APPL2: variants seen among roughly 807,000 people sequenced by gnomAD.
APPL2 encodes DCC-interacting protein 13-beta.
Under a neutral mutation model 92.7 loss-of-function variants are expected in APPL2, and 84 were observed. That is an observed-to-expected ratio of 0.91 (90% confidence interval 0.76 to 1.09). APPL2 has a LOEUF of 1.09. Among genes scored for constraint, APPL2 ranks in the 50% least tolerant of loss-of-function variants. The pLI, the probability that APPL2 is intolerant of heterozygous loss-of-function variation, is 0.00. For synonymous variants in APPL2, 291 were observed against 291.0 expected (o/e 1.00, Z 0.00); for missense variants, 736 against 824.5 (o/e 0.89, Z 1.31).
chr12:105,226,985 G>A (rs141046349), intron 2 of APPL2, among the ~76,000 whole-genome samples: 32 of 152,120 alleles, frequency 2.1e-4, no homozygotes, highest in Non-Finnish European at 3.8e-4. Context: ...GCTGGGTGTG[G>A]TGGTGTGCAC....
At chr12:105,192,968 C>A (rs182387715) in intron 14 of APPL2, among the ~76,000 whole-genome samples, 5 of 152,290 alleles carry the variant, frequency 3.3e-5, no homozygotes. Flanking sequence ...TTCTTTCCCC[C>A]CCCACTGTCA....
intron 20 of APPL2, 119 bp from the exon 21 acceptor site, chr12:105,174,567 T>C (rs1203139596): frequency 2.8e-6 from 3 of 1,070,014 alleles, no homozygotes; most frequent in South Asian, 4.1e-5. Context: ...CTCTTGTGTA[T>C]ATGTGCCTTC....
At chr12:105,177,517 A>T (rs1885671113) in intron 17 of APPL2, 1 of 512,802 alleles carries the variant, frequency 2.0e-6, no homozygotes, top group African/African-American at 1.9e-5. Context: ...GGATTCTGCA[A>T]CTTACCCAAA....
At chr12:105,227,302 T>C (rs559914695) in intron 2 of APPL2, among the ~76,000 whole-genome samples, 13 of 152,170 alleles carry the variant, frequency 8.5e-5, no homozygotes, top group South Asian at 2.1e-4. Context: ...TAGTTCTAAT[T>C]AATAAGTTAC....
intron 17 of APPL2, among the ~76,000 whole-genome samples, chr12:105,180,315 G>A (rs1289632859): frequency 6.6e-6 from 1 of 152,146 alleles, no homozygotes; most frequent in Non-Finnish European, 1.5e-5. Flanking sequence ...TGAGGCCTCT[G>A]TTCTGTTCCA....
chr12:105,195,785 TG>T (rs1887588413), intron 11 of APPL2, among the ~76,000 whole-genome samples, 158 bp from the exon 12 acceptor site: 1 of 152,166 alleles, frequency 6.6e-6, no homozygotes, highest in African/African-American at 2.4e-5. Context: ...CCAGGTGCAG[TG>T]GCTCATGCCT....
At chr12:105,199,817 GT>G (rs1280195527) in intron 9 of APPL2, among the ~76,000 whole-genome samples, 1 of 151,466 alleles carries the variant, frequency 6.6e-6, no homozygotes, top group Non-Finnish European at 1.5e-5. Flanking sequence ...CTTTTTTTTT[GT>G]TGTTTTTATT....
intron 9 of APPL2, among the ~76,000 whole-genome samples, chr12:105,201,291 T>A (rs1246074845): frequency 6.6e-6 from 1 of 152,206 alleles, no homozygotes; most frequent in East Asian, 1.9e-4. Context: ...TTGGTGGCCT[T>A]AAGACAGGTA....
chr12:105,218,061 T>C (rs1023803032), intron 2 of APPL2, among the ~76,000 whole-genome samples: 1 of 152,174 alleles, frequency 6.6e-6, no homozygotes, highest in African/African-American at 2.4e-5. Context: ...TAAGCCATCA[T>C]TGTGCCACTG....
At chr12:105,211,403 C>G in intron 4 of APPL2, 86 bp from the exon 5 acceptor site, 6 of 976,592 alleles carry the variant, frequency 6.1e-6, no homozygotes, top group Non-Finnish European at 8.0e-6. Context: ...TCACACTGAA[C>G]ACTTCCGTGT....
chr12:105,201,679 T>C (rs1888214583), intron 9 of APPL2, among the ~76,000 whole-genome samples: 1 of 151,728 alleles, frequency 6.6e-6, no homozygotes, highest in Non-Finnish European at 1.5e-5. Flanking sequence ...TTCAACTGGT[T>C]CTCTTCACAG....
intron 7 of APPL2, 102 bp downstream of exon 7, chr12:105,207,863 TAAAAAA>T (rs370020850): frequency 1.6e-6 from 1 of 643,070 alleles, no homozygotes; most frequent in African/African-American, 2.0e-5. Flanking sequence ...CATGTATAGT[TAAAAAA>T]AAAAATAACC....
At chr12:105,228,189 T>C (rs934857338) in intron 2 of APPL2, among the ~76,000 whole-genome samples, 2 of 152,234 alleles carry the variant, frequency 1.3e-5, no homozygotes, top group Non-Finnish European at 2.9e-5. Context: ...GAATGTGGTA[T>C]AGGTTAAGTA....
chr12:105,201,136 T>A (rs946029307), intron 9 of APPL2, among the ~76,000 whole-genome samples: 2 of 152,208 alleles, frequency 1.3e-5, no homozygotes, highest in Admixed American at 1.3e-4. Context: ...CTTGAACTCC[T>A]GGCCTCAAGT....
chr12:105,196,911 G>C (rs1203662129), intron 11 of APPL2, among the ~76,000 whole-genome samples: 1 of 152,174 alleles, frequency 6.6e-6, no homozygotes, highest in East Asian at 1.9e-4. Context: ...TCCATTCCCA[G>C]GTCATTTCCC....
intron 9 of APPL2, among the ~76,000 whole-genome samples, chr12:105,200,310 T>G (rs1790654511): frequency 6.6e-6 from 1 of 152,212 alleles, no homozygotes; most frequent in Non-Finnish European, 1.5e-5. Flanking sequence ...TGCTCTTGGT[T>G]TAGGCAGGAG....
At chr12:105,186,590 G>A (rs1412786755) in intron 17 of APPL2, among the ~76,000 whole-genome samples, 1 of 114,406 alleles carries the variant, frequency 8.7e-6, no homozygotes, top group Non-Finnish European at 1.7e-5. Context: ...CTTGCTAAAC[G>A]CTTATTTTCC....
rs199942405 is a variant in APPL2, at chr12:105,195,281, T to C, written c.1221A>G (p.Lys407=). ...GTTACCTGGGGCATGAGCTTTCTTG[T>C]TTTTTTCCAAAACTTGTAATGGGAG... ...AVTPITSFGK[K]QESSCPSQNL... Residue 407 remains lysine, a synonymous_variant, in exon 14 of 21, where the codon AAA becomes AAG. Coordinates refer to ENST00000258530, the MANE Select transcript of APPL2 (RefSeq NM_018171.5). 41 of 1,614,166 alleles carry C rather than the reference T, an allele frequency of 2.5e-5. No individual in the cohort carries two copies. In the East Asian group the frequency reaches 8.7e-4, roughly 34 times the overall value.
chr12:105,204,335 G>A (rs1458469528), intron 8 of APPL2, among the ~76,000 whole-genome samples: 1 of 152,214 alleles, frequency 6.6e-6, no homozygotes, highest in Non-Finnish European at 1.5e-5. Context: ...TCGTCTGTCT[G>A]ACCTGGAAGC....
Sources: gnomAD v4.1 joint callset for allele counts (sites outside exome capture counted in the v4.1 genomes callset) on GRCh38, gnomAD v4.1.1 for gene constraint, MANE v1.5 for transcripts, NCBI Gene and HGNC (gene_info 2026-07-23, HGNC 2026-07-21) for gene names.